RPS6KC1: variants seen among roughly 807,000 people sequenced by gnomAD.
RPS6KC1 encodes ribosomal protein S6 kinase C1.
Under a neutral mutation model 103.8 loss-of-function variants are expected in RPS6KC1, and 54 were observed. That is an observed-to-expected ratio of 0.52 (90% CI 0.42 to 0.65). The LOEUF is 0.65. Ranked by LOEUF, RPS6KC1 falls within the 30% of genes least tolerant of loss-of-function variation. The pLI is 0.00. For synonymous variants in RPS6KC1, 439 were observed against 438.7 expected, an observed-to-expected ratio of 1.00 and a Z score of -0.01; for missense variants, 1,151 against 1,253.8, an observed-to-expected ratio of 0.92 and a Z score of 1.24.
intron 8 of RPS6KC1, among the ~76,000 whole-genome samples, chr1:213,214,017 C>T (rs563188288): frequency 1.1e-4 from 17 of 152,316 alleles, no homozygotes; most frequent in African/African-American, 3.1e-4. Context: ...TGGGGATTGT[C>T]GGACAGTGGG....
chr1:213,517,027 A>C, the RPS6KC1 span, among the ~76,000 whole-genome samples: 1 of 152,178 alleles, frequency 6.6e-6, no homozygotes, highest in Admixed American at 6.5e-5. Context: ...AGGTGTTTAT[A>C]GTATTCTCTG....
the RPS6KC1 span, among the ~76,000 whole-genome samples, chr1:213,336,464 A>G: frequency 0.066 from 10,049 of 152,280 alleles, 453 homozygotes; most frequent in Middle Eastern, 0.11. Context: ...TTTGTTGTTA[A>G]GAGAAAGGCT....
the RPS6KC1 span, among the ~76,000 whole-genome samples, chr1:213,597,717 C>T: frequency 5.9e-5 from 9 of 152,266 alleles, no homozygotes; most frequent in South Asian, 2.1e-4. Flanking sequence ...TAGGAGTCCA[C>T]GGGTCTGTGT....
chr1:213,596,940 C>T, the RPS6KC1 span, among the ~76,000 whole-genome samples: 1,035 of 152,276 alleles, frequency 6.8e-3, 18 homozygotes, highest in African/African-American at 0.024. Context: ...GCCATGTGGA[C>T]GGAGTCACTG....
chr1:213,082,157 A>C (rs2079954310), intron 3 of RPS6KC1, among the ~76,000 whole-genome samples: 1 of 152,120 alleles, frequency 6.6e-6, no homozygotes, highest in South Asian at 2.1e-4. Flanking sequence ...ACGGTGGCTC[A>C]TGCCTGTAAT....
chr1:213,371,516 A>G, the RPS6KC1 span, among the ~76,000 whole-genome samples: 1 of 152,192 alleles, frequency 6.6e-6, no homozygotes, highest in African/African-American at 2.4e-5. Context: ...AGAAATTGCC[A>G]TGCTGTTTTC....
At chr1:213,655,547 T>A in the RPS6KC1 span, among the ~76,000 whole-genome samples, 1 of 152,224 alleles carries the variant, frequency 6.6e-6, no homozygotes, top group Non-Finnish European at 1.5e-5. Context: ...TTTTGTAAGT[T>A]GACCAAGTTT....
At chr1:213,827,904 A>G in the RPS6KC1 span, among the ~76,000 whole-genome samples, 1 of 152,156 alleles carries the variant, frequency 6.6e-6, no homozygotes, top group African/African-American at 2.4e-5. Flanking sequence ...TTACTGGAGT[A>G]TAAATTGTGC....
At chr1:213,250,014 T>C (rs1198705538) in intron 12 of RPS6KC1, among the ~76,000 whole-genome samples, 2 of 152,142 alleles carry the variant, frequency 1.3e-5, no homozygotes, top group Admixed American at 1.3e-4. Context: ...GAATTAGACA[T>C]GTAGCCAAGC....
chr1:213,248,931 C>T (rs938730418), intron 12 of RPS6KC1, among the ~76,000 whole-genome samples: 1 of 152,142 alleles, frequency 6.6e-6, no homozygotes, highest in Non-Finnish European at 1.5e-5. Context: ...AAAACAATGT[C>T]TCTGTACATT....
At chr1:213,738,828 C>A in the RPS6KC1 span, among the ~76,000 whole-genome samples, 1 of 139,762 alleles carries the variant, frequency 7.2e-6, no homozygotes, top group Non-Finnish European at 1.5e-5. Flanking sequence ...AACCCAGCCT[C>A]TACTCTAAAA....
At chr1:213,668,732 A>G in the RPS6KC1 span, among the ~76,000 whole-genome samples, 6 of 152,276 alleles carry the variant, frequency 3.9e-5, no homozygotes, top group Admixed American at 6.5e-5. Flanking sequence ...TTTTGCCTCC[A>G]TTGAAAATCT....
the RPS6KC1 span, among the ~76,000 whole-genome samples, chr1:213,469,468 T>C: frequency 1.3e-5 from 2 of 152,162 alleles, no homozygotes; most frequent in African/African-American, 4.8e-5. Flanking sequence ...AGGCATCACA[T>C]GAGGGCTAGG....
the RPS6KC1 span, among the ~76,000 whole-genome samples, chr1:213,381,041 C>G: frequency 1.3e-5 from 2 of 152,168 alleles, no homozygotes; most frequent in Non-Finnish European, 2.9e-5. Context: ...TTGGGAAGTG[C>G]TTCTGCAAAC....
At chr1:213,068,703 T>G (rs1572320229) in intron 1 of RPS6KC1, among the ~76,000 whole-genome samples, 1 of 151,874 alleles carries the variant, frequency 6.6e-6, no homozygotes, top group East Asian at 1.9e-4. Flanking sequence ...ATTAACCACA[T>G]GTAGCTATTT....
intron 3 of RPS6KC1, among the ~76,000 whole-genome samples, chr1:213,090,033 C>G (rs941017853): frequency 1.3e-5 from 2 of 152,158 alleles, no homozygotes; most frequent in Non-Finnish European, 2.9e-5. Flanking sequence ...CTGAGGATAT[C>G]ATGATGCAAA....
chr1:213,637,387 G>A, the RPS6KC1 span, among the ~76,000 whole-genome samples: 1 of 145,598 alleles, frequency 6.9e-6, no homozygotes, highest in African/African-American at 2.5e-5. Context: ...ATCAATGATA[G>A]ACTGGATTAA....
At chr1:213,687,759 ATT>A in the RPS6KC1 span, among the ~76,000 whole-genome samples, 13,162 of 152,266 alleles carry the variant, frequency 0.086, 671 homozygotes, top group African/African-American at 0.11. Context: ...AACCGTGATT[ATT>A]TATCAATAAT....
intron 8 of RPS6KC1, among the ~76,000 whole-genome samples, chr1:213,226,082 G>T (rs2093954554): frequency 6.6e-6 from 1 of 152,092 alleles, no homozygotes; most frequent in Admixed American, 6.5e-5. Context: ...AATTAGCTGG[G>T]TGTGGTGGCG....
Sources: gnomAD v4.1 joint callset for allele counts (sites outside exome capture counted in the v4.1 genomes callset) on GRCh38, gnomAD v4.1.1 for gene constraint, MANE v1.5 for transcripts, NCBI Gene and HGNC (gene_info 2026-07-23, HGNC 2026-07-21) for gene names.